Variants in RALYL observed in about 807,000 individuals in gnomAD.
The protein encoded by RALYL is RALY RNA binding protein like.
Under a neutral mutation model 35.1 loss-of-function variants are expected in RALYL, and 29 were observed. The ratio of observed to expected loss-of-function variants is 0.83; its 90% CI spans 0.61 to 1.13. The LOEUF (loss-of-function observed/expected upper bound fraction) is 1.13. RALYL is among the 50% of genes most tolerant of loss of function. The probability of loss-of-function intolerance (pLI) is 0.00; values close to 1 mark genes in which losing one functional copy is unlikely to be tolerated. For synonymous variants in RALYL, 120 were observed against 127.6 expected (o/e 0.94, Z 0.40); for missense variants, 359 against 360.4 (o/e 1.00, Z 0.03).
intron 1 of RALYL, among the ~76,000 whole-genome samples, chr8:84,427,676 T>C (rs2046648962): frequency 6.6e-6 from 1 of 152,212 alleles, no homozygotes; most frequent in African/African-American, 2.4e-5. Context: ...AATTATGCTC[T>C]ACTGTTTCTT....
chr8:84,211,193 A>ATATC (rs1819414944), intron 1 of RALYL, among the ~76,000 whole-genome samples: 1 of 152,086 alleles, frequency 6.6e-6, no homozygotes, highest in South Asian at 2.1e-4. Context: ...TTGAAAATAT[A>ATATC]TATCTCTGAC....
chr8:84,815,861 C>A (rs1217972829), intron 4 of RALYL, among the ~76,000 whole-genome samples: 1 of 151,432 alleles, frequency 6.6e-6, no homozygotes, highest in Non-Finnish European at 1.5e-5. Flanking sequence ...TGGTGAAACC[C>A]CAGCTCTACT....
At chr8:84,451,089 C>T (rs1994149) in intron 1 of RALYL, among the ~76,000 whole-genome samples, 62,879 of 151,654 alleles carry the variant, frequency 0.41, 13,164 homozygotes, top group South Asian at 0.53. Flanking sequence ...AATTTCTATT[C>T]GGGTAAATAA....
At chr8:84,261,095 A>C (rs1484048157) in intron 1 of RALYL, among the ~76,000 whole-genome samples, 1 of 100,482 alleles carries the variant, frequency 1.0e-5, no homozygotes, top group Non-Finnish European at 1.9e-5. Context: ...TAACTACAGT[A>C]GTTATTTACA....
At chr8:84,463,253 C>T (rs1049401189) in intron 1 of RALYL, among the ~76,000 whole-genome samples, 1 of 151,932 alleles carries the variant, frequency 6.6e-6, no homozygotes, top group African/African-American at 2.4e-5. Flanking sequence ...TAGAGGTCTT[C>T]CATTAAGTGT....
At chr8:84,698,112 G>T (rs538366856) in intron 2 of RALYL, among the ~76,000 whole-genome samples, 1 of 152,092 alleles carries the variant, frequency 6.6e-6, no homozygotes, top group Admixed American at 6.6e-5. Context: ...GCTCACAAAC[G>T]TACACACTCC....
At chr8:84,742,461 TA>T (rs1047867315) in intron 2 of RALYL, among the ~76,000 whole-genome samples, 3 of 151,736 alleles carry the variant, frequency 2.0e-5, no homozygotes, top group South Asian at 2.1e-4. Context: ...AAAATTGTTT[TA>T]AAAAAAAATT....
rs372120823 is a variant in RALYL, at chr8:84,366,604, G to A, written c.-23-162695G>A. 1.2e-3 allele frequency among the ~76,000 whole-genome samples: 187 copies of A among 151,760 alleles called. 6 individuals are homozygous for A. In the South Asian group the frequency reaches 0.036, roughly 29 times the overall value. On this transcript the variant is annotated intron_variant, in intron 1 of 8. Transcript: ENST00000521268. ...ATCCTGGCCAACATGGTCAAACCTC[G>A]TCTCTGCTAAAAATACAAAATTTAG... is the stretch of plus-strand genomic sequence containing the variant.
At chr8:84,367,485 C>T (rs1309185872) in intron 1 of RALYL, among the ~76,000 whole-genome samples, 1 of 150,958 alleles carries the variant, frequency 6.6e-6, no homozygotes, top group East Asian at 1.9e-4. Flanking sequence ...GCCACTAGCG[C>T]AGCCTCATTT....
rs1165377445 is a variant in RALYL at position 84,892,629 on chromosome 8, C to A, written c.858+4853C>A. ...CTGTCTTAAAAAAAAAAAAAAAAAC[C>A]AACATGGCACATGTATACATATGTA... On this transcript the variant is annotated intron_variant, in intron 8 of 8. Transcript: ENST00000521268. 1.9e-3 allele frequency among the ~76,000 whole-genome samples: 267 copies of A among 143,456 alleles called. 1 individual carries two copies. Among genetic ancestry groups the A allele is most frequent in the African/African-American group, 6.7e-3 (251 of 37,716 alleles). 94.1% of individuals were successfully genotyped at this position (143,456 alleles called of 152,430 possible). A position where few individuals can be genotyped will look rare whatever the true frequency, so the allele number is the denominator to read the frequency against.
chr8:84,764,692 T>A (rs1284996652), intron 2 of RALYL, among the ~76,000 whole-genome samples: 1 of 152,216 alleles, frequency 6.6e-6, no homozygotes, highest in East Asian at 1.9e-4. Context: ...GCCATAGTGC[T>A]GTGTCAGAAC....
chr8:84,456,474 T>C (rs562065251), intron 1 of RALYL, among the ~76,000 whole-genome samples: 1 of 152,076 alleles, frequency 6.6e-6, no homozygotes, highest in African/African-American at 2.4e-5. Context: ...ATGTTCTTCT[T>C]TATTATGCTC....
intron 2 of RALYL, among the ~76,000 whole-genome samples, chr8:84,559,975 T>G (rs917643539): frequency 1.3e-4 from 17 of 132,576 alleles, no homozygotes; most frequent in Non-Finnish European, 2.3e-4. Context: ...TATATTAGGT[T>G]TTTTTTTTTT....
intron 1 of RALYL, among the ~76,000 whole-genome samples, chr8:84,370,596 A>C (rs1009632606): frequency 3.9e-5 from 6 of 152,092 alleles, no homozygotes. Context: ...AACAAAGAAA[A>C]GGAAAATACG....
At chr8:84,223,722 G>A (rs945033087) in intron 1 of RALYL, among the ~76,000 whole-genome samples, 17 of 152,192 alleles carry the variant, frequency 1.1e-4, no homozygotes, top group African/African-American at 4.1e-4. Context: ...CTGCACAGAT[G>A]CTGCAACATC....
intron 2 of RALYL, among the ~76,000 whole-genome samples, chr8:84,539,860 A>ATATATATATATG (rs2059888021): frequency 5.4e-5 from 4 of 74,270 alleles, no homozygotes; most frequent in African/African-American, 2.2e-4. Context: ...ATATGTATAT[A>ATATATATATATG]TATATATATA....
chr8:84,813,037 G>A (rs1026835573), intron 4 of RALYL, among the ~76,000 whole-genome samples: 1 of 152,248 alleles, frequency 6.6e-6, no homozygotes, highest in South Asian at 2.1e-4. Flanking sequence ...GATCCCTGTG[G>A]TGCCAGGCAG....
intron 2 of RALYL, among the ~76,000 whole-genome samples, chr8:84,769,061 G>A (rs1814790273): frequency 6.6e-6 from 1 of 152,106 alleles, no homozygotes; most frequent in Non-Finnish European, 1.5e-5. Context: ...AATTTTACAT[G>A]TTCATTTTAT....
At chr8:84,541,095 T>C (rs992386126) in intron 2 of RALYL, among the ~76,000 whole-genome samples, 4 of 151,992 alleles carry the variant, frequency 2.6e-5, no homozygotes, top group African/African-American at 7.2e-5. Flanking sequence ...ATGTTTGTTT[T>C]TGCTTCATTA....
Sources: allele counts gnomAD v4.1 joint callset (sites outside exome capture counted in the v4.1 genomes callset), GRCh38; gene constraint gnomAD v4.1.1; transcripts MANE v1.5; gene names NCBI Gene and HGNC (gene_info 2026-07-23, HGNC 2026-07-21).